The following ZMAT4 variants were observed in gnomAD, a reference collection of about 807,000 sequenced individuals.
ZMAT4 encodes the protein zinc finger matrin-type 4, also known as zinc finger matrin-type protein 4.
Under a neutral mutation model 28.7 loss-of-function variants are expected in ZMAT4, and 17 were observed. The observed-to-expected ratio is 0.59, with a 90% CI of 0.41 to 0.89. The LOEUF is 0.89. ZMAT4 is among the 40% of genes least tolerant of loss of function. The pLI, the probability that ZMAT4 is intolerant of heterozygous loss-of-function variation, is 0.00. For missense variants in ZMAT4, 240 were observed against 283.8 expected, an observed-to-expected ratio of 0.85 and a Z score of 1.11; for synonymous variants, 117 against 109.2, an observed-to-expected ratio of 1.07 and a Z score of -0.44.
chr8:40,760,724 C>CTCTCTCTG (rs1271238403), intron 3 of ZMAT4, among the ~76,000 whole-genome samples: 5 of 151,342 alleles, frequency 3.3e-5, no homozygotes, highest in African/African-American at 1.2e-4. Context: ...CTCTCTCTCT[C>CTCTCTCTG]TCTCTCTCTC....
chr8:40,835,072 C>T (rs1816428228), intron 1 of ZMAT4, among the ~76,000 whole-genome samples: 1 of 152,312 alleles, frequency 6.6e-6, no homozygotes, highest in Non-Finnish European at 1.5e-5. Flanking sequence ...CCAGCACCTT[C>T]TCCAGTCACA....
chr8:40,735,632 A>G (rs1811732614), intron 3 of ZMAT4, among the ~76,000 whole-genome samples: 1 of 152,204 alleles, frequency 6.6e-6, no homozygotes, highest in South Asian at 2.1e-4. Flanking sequence ...TTTGTGTTAT[A>G]GCCACTTTTT....
At chr8:40,868,954 T>C (rs539051791) in intron 1 of ZMAT4, among the ~76,000 whole-genome samples, 1 of 152,330 alleles carries the variant, frequency 6.6e-6, no homozygotes, top group East Asian at 1.9e-4. Flanking sequence ...TATACCAAAC[T>C]GCAGTGCCCC....
chr8:40,605,881 T>C (rs1257014862), intron 5 of ZMAT4, among the ~76,000 whole-genome samples: 8 of 152,170 alleles, frequency 5.3e-5, no homozygotes, highest in Non-Finnish European at 7.4e-5. Context: ...ATATTAAGGA[T>C]TGTGATATTT....
intron 2 of ZMAT4, among the ~76,000 whole-genome samples, chr8:40,793,899 C>A (rs1814470321): frequency 6.6e-6 from 1 of 152,170 alleles, no homozygotes; most frequent in Non-Finnish European, 1.5e-5. Context: ...TGTGTATTTT[C>A]TGCCCCAGAT....
At chr8:40,755,787 C>G (rs563250532) in intron 3 of ZMAT4, among the ~76,000 whole-genome samples, 2 of 152,114 alleles carry the variant, frequency 1.3e-5, no homozygotes, top group Non-Finnish European at 2.9e-5. Context: ...CCATGATATA[C>G]CCTTCTTCTT....
At chr8:40,545,730 C>T (rs1278472731) in intron 6 of ZMAT4, among the ~76,000 whole-genome samples, 1 of 152,058 alleles carries the variant, frequency 6.6e-6, no homozygotes, top group Non-Finnish European at 1.5e-5. Flanking sequence ...CTTGCATATG[C>T]CTTGATCTTG....
intron 5 of ZMAT4, among the ~76,000 whole-genome samples, chr8:40,627,512 T>A (rs1806419900): frequency 6.6e-6 from 1 of 152,202 alleles, no homozygotes. Context: ...AGAAAATATA[T>A]GTATTCCTAA....
intron 1 of ZMAT4, among the ~76,000 whole-genome samples, chr8:40,870,184 TAA>T (rs1016127467): frequency 2.0e-5 from 3 of 152,144 alleles, no homozygotes; most frequent in African/African-American, 7.2e-5. Flanking sequence ...TTTTATTCCC[TAA>T]GAGACTTTTT....
intron 1 of ZMAT4, among the ~76,000 whole-genome samples, chr8:40,877,188 G>C (rs1332377472): frequency 6.6e-6 from 1 of 152,186 alleles, no homozygotes; most frequent in Admixed American, 6.5e-5. Flanking sequence ...GCCAAGAACA[G>C]TGGTCAGGGG....
At chr8:40,588,531 A>G (rs1377556120) in intron 5 of ZMAT4, among the ~76,000 whole-genome samples, 1 of 152,124 alleles carries the variant, frequency 6.6e-6, no homozygotes, top group African/African-American at 2.4e-5. Flanking sequence ...GTTTCTCAAC[A>G]TCATGTGTCA....
intron 5 of ZMAT4, among the ~76,000 whole-genome samples, chr8:40,666,247 C>T (rs78679582): frequency 0.027 from 4,051 of 152,210 alleles, 170 homozygotes; most frequent in African/African-American, 0.093. Flanking sequence ...AACTCAATAA[C>T]TTCCTTTGTT....
intron 2 of ZMAT4, among the ~76,000 whole-genome samples, chr8:40,814,596 T>C (rs1320625765): frequency 1.3e-5 from 2 of 152,166 alleles, no homozygotes; most frequent in Non-Finnish European, 2.9e-5. Flanking sequence ...GATACAATCA[T>C]AAAATGAAAA....
chr8:40,776,407 G>A (rs978168221), intron 2 of ZMAT4, among the ~76,000 whole-genome samples: 3 of 152,218 alleles, frequency 2.0e-5, no homozygotes, highest in Non-Finnish European at 4.4e-5. Flanking sequence ...GTGGCTGTCT[G>A]CCTACACAAG....
At chr8:40,858,076 A>AG (rs1817358775) in intron 1 of ZMAT4, among the ~76,000 whole-genome samples, 1 of 150,118 alleles carries the variant, frequency 6.7e-6, no homozygotes, top group Non-Finnish European at 1.5e-5. Context: ...AGGGAATACA[A>AG]GGTAAACATT....
At chr8:40,738,461 A>G (rs1178598486) in intron 3 of ZMAT4, among the ~76,000 whole-genome samples, 5 of 152,186 alleles carry the variant, frequency 3.3e-5, no homozygotes, top group African/African-American at 1.2e-4. Flanking sequence ...AAAGGCTAAA[A>G]CAGCTTACAG....
intron 5 of ZMAT4, among the ~76,000 whole-genome samples, chr8:40,618,749 C>T (rs1446351215): frequency 6.6e-6 from 1 of 152,064 alleles, no homozygotes; most frequent in African/African-American, 2.4e-5. Context: ...GGCTCCCTCA[C>T]GACAGCACTG....
intron 2 of ZMAT4, among the ~76,000 whole-genome samples, chr8:40,774,287 G>C (rs1312962440): frequency 6.6e-6 from 1 of 152,120 alleles, no homozygotes; most frequent in Non-Finnish European, 1.5e-5. Context: ...ATTCATCCAA[G>C]TGCTACCTTA....
chr8:40,735,387 C>A (rs185195170), intron 3 of ZMAT4, among the ~76,000 whole-genome samples: 1 of 152,138 alleles, frequency 6.6e-6, no homozygotes, highest in Non-Finnish European at 1.5e-5. Context: ...ATGTTCTATA[C>A]GTTTTGTAAG....
Sources: gnomAD v4.1 joint callset for allele counts (sites outside exome capture counted in the v4.1 genomes callset) on GRCh38, gnomAD v4.1.1 for gene constraint, MANE v1.5 for transcripts, NCBI Gene and HGNC (gene_info 2026-07-23, HGNC 2026-07-21) for gene names.